Variants in ZBTB49 observed in about 807,000 individuals in gnomAD.
ZBTB49 encodes zinc finger and BTB domain containing 49.
In ZBTB49, 43 loss-of-function variants were observed where a neutral mutation model predicts 57.5. The observed-to-expected ratio is 0.75, with a 90% CI of 0.59 to 0.97. ZBTB49 has a LOEUF of 0.97. ZBTB49 is among the 50% of genes least tolerant of loss of function. ZBTB49 has a pLI of 0.00. For synonymous variants in ZBTB49, 369 were observed against 362.1 expected, an observed-to-expected ratio of 1.02 and a Z score of -0.22; for missense variants, 938 against 947.7, an observed-to-expected ratio of 0.99 and a Z score of 0.13.
intron 5 of ZBTB49, among the ~76,000 whole-genome samples, chr4:4,314,185 G>A (rs1721095732): frequency 6.6e-6 from 1 of 152,224 alleles, no homozygotes; most frequent in South Asian, 2.1e-4. Context: ...GTAGCTACCT[G>A]AACGCTGAAA....
At chr4:4,310,294 A>G (rs1192284224) in intron 4 of ZBTB49, among the ~76,000 whole-genome samples, 1 of 152,208 alleles carries the variant, frequency 6.6e-6, no homozygotes, top group East Asian at 1.9e-4. Flanking sequence ...TGGAGTCACT[A>G]GGCAAACCTG....
Position 4,294,338 on chromosome 4 carries a change from A to C in ZBTB49, c.-20+3986A>C, listed in dbSNP as rs116205855. Among the ~76,000 whole-genome samples the C allele has an allele frequency of 6.9e-3, 1,054 of 152,150 alleles. 4 individuals are homozygous for C. The highest frequency in any genetic ancestry group is 0.012 in the Non-Finnish European group (796 of 67,998). On this transcript the variant is annotated intron_variant, in intron 1 of 7. Coordinates refer to ENST00000337872, the MANE Select transcript of ZBTB49 (RefSeq NM_145291.4). Reference sequence around the variant, plus strand: ...ACATCATGAAGTAATTTAGAGAACTATACAAAATGATATGGAATAATAATA... The same window carrying C: ...ACATCATGAAGTAATTTAGAGAACTCTACAAAATGATATGGAATAATAATA...
intron 5 of ZBTB49, 32 bp downstream of exon 5, chr4:4,313,146 G>C (rs1411147231): frequency 6.2e-7 from 1 of 1,613,022 alleles, no homozygotes; most frequent in Middle Eastern, 1.6e-4. Flanking sequence ...CCGTGTGGAA[G>C]GGAGCATGTC....
chr4:4,295,762 A>T (rs1278416935), intron 1 of ZBTB49, among the ~76,000 whole-genome samples: 1 of 152,162 alleles, frequency 6.6e-6, no homozygotes, highest in Non-Finnish European at 1.5e-5. Context: ...AGGAGATCTC[A>T]AACCAGGAGA....
Position 4,321,344 on chromosome 4 carries a change from G to A in ZBTB49, c.*28G>A, listed in dbSNP as rs767488835. On this transcript the variant is annotated 3_prime_UTR_variant, in exon 8 of 8. Transcript: ENST00000337872. ...TACCGCGCTTCTCCACGGTAGAGGC[G>A]TGTTCTCAGTTTAGCAGGCTGGTGT... 1.6e-5 allele frequency: 26 copies of A among 1,598,988 alleles called. No individual in the cohort carries two copies. Among genetic ancestry groups the A allele is most frequent in the Admixed American group, 6.7e-5 (4 of 59,566 alleles).
At position 4,313,066 on chromosome 4, in the gene ZBTB49, G is replaced by C. The variant is rs868668756; in HGVS notation, c.1328G>C (p.Arg443Pro). The change falls in exon 5 of 8, where the codon CGA becomes CCA. Residue 443 changes from arginine to proline, a missense_variant. By Grantham distance (103) the Arg-to-Pro change is moderately radical. Around this residue, in one of 3 missense-constraint regions of ZBTB49, gnomAD observed 835 missense variants for 819.1 expected, o/e 1.02. Transcript: ENST00000337872. ...GCAGGTAACTTGCAGACTCACTTAC[G>C]ACGGCATTCTGGTGAAAAACCATAC... The part of the protein sequence containing the change: ...SQAGNLQTHL[R>P]RHSGEKPYIC... The C allele has an allele frequency of 1.2e-6, 2 of 1,614,072 alleles. No homozygotes were observed. Among genetic ancestry groups the C allele is most frequent in the African/African-American group, 2.7e-5 (2 of 75,012 alleles).
rs1307414416 is a variant in ZBTB49 at position 4,315,929 on chromosome 4, T to G, written c.1580T>G (p.Ile527Ser). 6.2e-7 allele frequency: 1 copy of G among 1,614,020 alleles called. No individual in the cohort carries two copies. Among genetic ancestry groups the G allele is most frequent in the Admixed American group, 1.7e-5 (1 of 60,002 alleles). Reference protein sequence around the residue: ...NMQRKLVKHRIRHTGERPYSC... With the variant: ...NMQRKLVKHRSRHTGERPYSC... ...CAAAGGAAGTTAGTAAAGCACAGAA[T>G]TCGGCACACGGGGGAGCGGCCTTAC... Residue 527 changes from isoleucine to serine, a missense_variant, in exon 7 of 8, where the codon ATT becomes AGT. By Grantham distance (142) the Ile-to-Ser change is moderately radical. Around this residue, in one of 3 missense-constraint regions of ZBTB49, gnomAD observed 835 missense variants for 819.1 expected, o/e 1.02. Transcript: ENST00000337872.
chr4:4,317,234 C>T (rs987335717), intron 7 of ZBTB49, among the ~76,000 whole-genome samples: 1 of 152,140 alleles, frequency 6.6e-6, no homozygotes, highest in African/African-American at 2.4e-5. Flanking sequence ...CCTCACTAAC[C>T]CTGGTTTCAC....
chr4:4,298,436 T>C (rs187659012), intron 1 of ZBTB49, among the ~76,000 whole-genome samples: 1 of 145,224 alleles, frequency 6.9e-6, no homozygotes, highest in African/African-American at 2.5e-5. Flanking sequence ...TGCCTTTTTT[T>C]TTGAGATGGG....
intron 3 of ZBTB49, among the ~76,000 whole-genome samples, chr4:4,305,035 C>G (rs4689263): frequency 0.049 from 7,466 of 152,160 alleles, 551 homozygotes; most frequent in East Asian, 0.32. Flanking sequence ...CTGGTGACCT[C>G]TCTCTCTTTT....
rs115601255 is a variant in ZBTB49 at position 4,296,268 on chromosome 4, T to C, written c.-19-3659T>C. 3.1e-3 allele frequency among the ~76,000 whole-genome samples: 473 copies of C among 152,148 alleles called. 1 individual carries two copies. Among genetic ancestry groups the C allele is most frequent in the African/African-American group, 0.011 (458 of 41,476 alleles). The stretch of plus-strand genomic sequence containing the variant: ...TCACTGTCGGGAAAGTCTGTTTCAG[T>C]GGAGTGAGTGGCAGCAAGGTTGCAA... On this transcript the variant is annotated intron_variant, in intron 1 of 7. Transcript: ENST00000337872.
Position 4,320,661 on chromosome 4 carries a change from G to A in ZBTB49, c.1643G>A (p.Gly548Asp), listed in dbSNP as rs781415323. ...SACGKCFGGS[G>D]DLRRHVRTHT... ...CCAGGGAAATGTTTTGGGGGATCAG[G>A]TGACCTCCGCAGGCATGTCCGCACT... The change falls in exon 8 of 8, where the codon GGT becomes GAT. Residue 548 changes from glycine (G) to aspartate (D), a missense_variant. Gly to Asp is a moderately conservative substitution (Grantham distance 94, BLOSUM62 -1). Transcript: ENST00000337872. 3.1e-6 allele frequency: 5 copies of A among 1,613,984 alleles called. No homozygotes were observed. In the South Asian group the frequency reaches 5.5e-5, roughly 18 times the overall value.
At position 4,290,269 on chromosome 4, in the gene ZBTB49, C is replaced by T. The variant is rs1560101153; in HGVS notation, c.-103C>T. 1 of 152,276 alleles carries T rather than the reference C, an allele frequency of 6.6e-6. No homozygotes were observed. The highest frequency in any genetic ancestry group is 2.4e-5 in the African/African-American group (1 of 41,376). 9.4% of individuals were successfully genotyped at this position (152,276 alleles called of 1,614,324 possible). ...AGGGGGCGTTGTCGTGATGATTCCG[C>T]GGCCAGCGGATCGCTGCGAGTGGCC... On this transcript the variant is annotated 5_prime_UTR_variant, in exon 1 of 8. Coordinates refer to ENST00000337872, the MANE Select transcript of ZBTB49 (RefSeq NM_145291.4).
At chr4:4,311,962 A>T (rs941965544) in intron 4 of ZBTB49, among the ~76,000 whole-genome samples, 2 of 152,154 alleles carry the variant, frequency 1.3e-5, no homozygotes, top group African/African-American at 4.8e-5. Context: ...TCTAGTTTTC[A>T]TTCACAAGTC....
chr4:4,301,981 T>C lies in ZBTB49; in HGVS notation c.153-8T>C, dbSNP rs752538969. On this transcript the variant is annotated splice_region_variant and splice_polypyrimidine_tract_variant and intron_variant, in intron 2 of 7. Transcript: ENST00000337872. ...GGCACTGTAAACAGATATTCTTTCT[T>C]TTACCAGGAGCCTCTTTCAGAATTC... 1 of 1,507,544 alleles carries C rather than the reference T, an allele frequency of 6.6e-7. No individual in the cohort carries two copies. 93.4% of individuals were successfully genotyped at this position (1,507,544 alleles called of 1,614,324 possible).
chr4:4,301,412 G>A (rs1015345805), intron 2 of ZBTB49, among the ~76,000 whole-genome samples: 1 of 151,866 alleles, frequency 6.6e-6, no homozygotes, highest in African/African-American at 2.4e-5. Context: ...ATAAATTACT[G>A]GTTACAAAGG....
chr4:4,310,364 T>C (rs1720931682), intron 4 of ZBTB49, among the ~76,000 whole-genome samples: 1 of 152,198 alleles, frequency 6.6e-6, no homozygotes. Flanking sequence ...TCTCAGAGCC[T>C]CTGTTGACTT....
rs1055878546 is a variant in ZBTB49 at position 4,300,030 on chromosome 4, T to C, written c.85T>C (p.Leu29=). ...RIQGLLCDCM[L]VVKGVCFKAH... is the part of the protein sequence containing the mutation. The stretch of plus-strand genomic sequence containing the variant: ...CCAAGGCCTGCTTTGTGACTGTATG[T>C]TGGTGGTAAAAGGAGTCTGCTTTAA... Residue 29 remains leucine (L), a synonymous_variant, in exon 2 of 8, where the codon TTG becomes CTG. Coordinates refer to ENST00000337872, the MANE Select transcript of ZBTB49 (RefSeq NM_145291.4). The C allele has an allele frequency of 6.2e-7, 1 of 1,614,078 alleles. No individual in the cohort carries two copies. The highest frequency in any genetic ancestry group is 1.3e-5 in the African/African-American group (1 of 74,928).
At chr4:4,305,293 G>A (rs1057393107) in intron 3 of ZBTB49, among the ~76,000 whole-genome samples, 5 of 152,118 alleles carry the variant, frequency 3.3e-5, no homozygotes, top group Admixed American at 6.5e-5. Context: ...AAGCCCCAAC[G>A]ATATAGTAGG....
Sources: gnomAD v4.1 joint callset for allele counts (sites outside exome capture counted in the v4.1 genomes callset) on GRCh38, gnomAD v4.1.1 for gene constraint, gnomAD v4.1.1 regional missense constraint, MANE v1.5 for transcripts, NCBI Gene and HGNC (gene_info 2026-07-23, HGNC 2026-07-21) for gene names.